SBF2: variants seen among roughly 807,000 people sequenced by gnomAD.
SBF2 encodes the protein SET binding factor 2.
SBF2 carries 112 observed loss-of-function variants against 225.2 expected under a neutral mutation model. The observed-to-expected ratio is 0.50, with a 90% CI of 0.43 to 0.58. The LOEUF (loss-of-function observed/expected upper bound fraction) is 0.58. Ranked by LOEUF, SBF2 falls within the 20% of genes least tolerant of loss-of-function variation. The pLI, the probability that SBF2 is intolerant of heterozygous loss-of-function variation, is 0.00. For synonymous variants in SBF2, 763 were observed against 773.3 expected (o/e 0.99, Z 0.22); for missense variants, 1,996 against 2,206.2 (o/e 0.90, Z 1.91).
At chr11:10,071,651 T>C (rs1274940483) in intron 2 of SBF2, among the ~76,000 whole-genome samples, 3 of 152,246 alleles carry the variant, frequency 2.0e-5, no homozygotes, top group African/African-American at 4.8e-5. Flanking sequence ...ACAGCTCTTA[T>C]TATTTTGAGA....
At chr11:10,190,187 T>C (rs1957108308) in intron 2 of SBF2, among the ~76,000 whole-genome samples, 1 of 151,276 alleles carries the variant, frequency 6.6e-6, no homozygotes, top group South Asian at 2.1e-4. Flanking sequence ...GTCAAAACAA[T>C]ACAATTTTGC....
At chr11:10,137,703 C>T (rs1010511165) in intron 2 of SBF2, among the ~76,000 whole-genome samples, 1 of 152,032 alleles carries the variant, frequency 6.6e-6, no homozygotes, top group African/African-American at 2.4e-5. Flanking sequence ...CAGAGTAACA[C>T]AGGCTTTAAA....
intron 17 of SBF2, among the ~76,000 whole-genome samples, chr11:9,866,420 T>C (rs1201581532): frequency 1.3e-5 from 2 of 152,078 alleles, no homozygotes; most frequent in African/African-American, 2.4e-5. Context: ...CATAAATAAA[T>C]CTATGTATGC....
At chr11:9,872,135 G>A (rs1274046577) in intron 17 of SBF2, among the ~76,000 whole-genome samples, 1 of 152,202 alleles carries the variant, frequency 6.6e-6, no homozygotes, top group East Asian at 1.9e-4. Context: ...AAACTATGCA[G>A]CCATGAAAAG....
chr11:10,092,001 A>G (rs1205165922), intron 2 of SBF2, among the ~76,000 whole-genome samples: 2 of 152,216 alleles, frequency 1.3e-5, no homozygotes, highest in Non-Finnish European at 2.9e-5. Context: ...TGTAAAATGT[A>G]ACAACTGTAA....
intron 17 of SBF2, among the ~76,000 whole-genome samples, chr11:9,865,717 GGC>G (rs1858157643): frequency 1.9e-5 from 2 of 107,628 alleles, no homozygotes; most frequent in Admixed American, 2.1e-4. Flanking sequence ...AAAAAAAAAA[GGC>G]GGGAGGCGTT....
chr11:9,896,111 G>C (rs1236448698), intron 16 of SBF2, 100 bp from the exon 17 acceptor site: 4 of 961,626 alleles, frequency 4.2e-6, no homozygotes, highest in Non-Finnish European at 3.4e-6. Flanking sequence ...TGTCCTATGG[G>C]GTTTTTACCT....
chr11:10,168,287 A>C (rs1014392228), intron 2 of SBF2, among the ~76,000 whole-genome samples: 1 of 152,212 alleles, frequency 6.6e-6, no homozygotes, highest in Non-Finnish European at 1.5e-5. Context: ...TCATTGCTAA[A>C]TATTCAAAAA....
intron 36 of SBF2, among the ~76,000 whole-genome samples, chr11:9,787,279 T>C (rs1313397724): frequency 1.3e-5 from 2 of 152,302 alleles, no homozygotes; most frequent in South Asian, 2.1e-4. Flanking sequence ...TTTTGTTGTT[T>C]TAAAATACTT....
At chr11:9,962,434 G>A (rs780934098) in intron 15 of SBF2, among the ~76,000 whole-genome samples, 20 of 152,040 alleles carry the variant, frequency 1.3e-4, no homozygotes, top group East Asian at 3.8e-4. Context: ...CCATAGATAC[G>A]TAAGACACCT....
chr11:9,976,388 T>G (rs892177936), intron 13 of SBF2, among the ~76,000 whole-genome samples: 2 of 152,104 alleles, frequency 1.3e-5, no homozygotes, highest in Non-Finnish European at 2.9e-5. Context: ...TCTGATATTA[T>G]TTTACACAGA....
At chr11:10,130,773 T>C (rs1296431099) in intron 2 of SBF2, among the ~76,000 whole-genome samples, 1 of 152,222 alleles carries the variant, frequency 6.6e-6, no homozygotes, top group South Asian at 2.1e-4. Flanking sequence ...GAATGCTATA[T>C]AAATTGAATC....
At chr11:10,074,125 T>C (rs1283463932) in intron 2 of SBF2, among the ~76,000 whole-genome samples, 1 of 152,194 alleles carries the variant, frequency 6.6e-6, no homozygotes, top group Non-Finnish European at 1.5e-5. Context: ...GGCCAGTAGG[T>C]AGACAGGTAT....
chr11:9,789,473 T>C (rs1852598013), intron 34 of SBF2, 131 bp from the exon 35 acceptor site: 4 of 648,614 alleles, frequency 6.2e-6, no homozygotes, highest in Non-Finnish European at 1.1e-5. Flanking sequence ...ACCATATTTC[T>C]AAATATTTAA....
chr11:10,257,683 A>G (rs886409815), intron 1 of SBF2, among the ~76,000 whole-genome samples: 18 of 149,456 alleles, frequency 1.2e-4, no homozygotes, highest in Non-Finnish European at 1.8e-4. Context: ...AAAAAAAAAA[A>G]AAAAAAAGAA....
At chr11:10,241,343 G>C (rs575285390) in intron 1 of SBF2, among the ~76,000 whole-genome samples, 1 of 145,606 alleles carries the variant, frequency 6.9e-6, no homozygotes, top group Non-Finnish European at 1.5e-5. Flanking sequence ...AACAGAGCGA[G>C]ACTGTCTCAA....
intron 1 of SBF2, among the ~76,000 whole-genome samples, chr11:10,224,617 G>C (rs1266575006): frequency 6.6e-6 from 1 of 151,966 alleles, no homozygotes; most frequent in Non-Finnish European, 1.5e-5. Flanking sequence ...CATACCTAAA[G>C]TTTTTTTAAT....
chr11:9,952,241 TAAATACACAAACAAAC>T lies in SBF2; in HGVS notation c.1860+9700_1860+9715del, dbSNP rs1348139992. Among the ~76,000 whole-genome samples the T allele has an allele frequency of 6.2e-5, 6 of 96,904 alleles. No individual in the cohort carries two copies. In the East Asian group the frequency reaches 1.9e-3, roughly 31 times the overall value. 63.6% of individuals were successfully genotyped at this position (96,904 alleles called of 152,430 possible). On this transcript the variant is annotated intron_variant, in intron 16 of 39. Coordinates refer to ENST00000256190, the MANE Select transcript of SBF2 (RefSeq NM_030962.4). ...AATGACAGCCTCTCTCTCATAAAAA[TAAATACACAAACAAAC>T]AAACAAACAAACAAACAAACAAACA...
At chr11:9,876,721 G>A (rs931975171) in intron 17 of SBF2, among the ~76,000 whole-genome samples, 4 of 152,156 alleles carry the variant, frequency 2.6e-5, no homozygotes, top group African/African-American at 9.7e-5. Context: ...AGCAGACTAT[G>A]ACACTATCTT....
Sources: allele counts gnomAD v4.1 joint callset (sites outside exome capture counted in the v4.1 genomes callset), GRCh38; gene constraint gnomAD v4.1.1; transcripts MANE v1.5; gene names NCBI Gene and HGNC (gene_info 2026-07-23, HGNC 2026-07-21).